Variants in DOCK2 observed in about 807,000 individuals in gnomAD.
DOCK2 encodes dedicator of cytokinesis 2.
In DOCK2, 87 loss-of-function variants were observed where a neutral mutation model predicts 248.9. The ratio of observed to expected loss-of-function variants is 0.35; its 90% confidence interval spans 0.29 to 0.42. The LOEUF is 0.42. DOCK2 is among the 10% of genes least tolerant of loss of function. The pLI is 1.00. For missense variants in DOCK2, 1,747 were observed against 2,300.2 expected (o/e 0.76, Z 4.92); for synonymous variants, 805 against 821.6 (o/e 0.98, Z 0.35).
chr5:170,082,859 G>A lies in DOCK2; in HGVS notation c.*1G>A. 1 of 1,614,228 alleles carries A rather than the reference G, an allele frequency of 6.2e-7. No homozygotes were observed. The highest frequency in any genetic ancestry group is 1.3e-5 in the African/African-American group (1 of 75,072). On this transcript the variant is annotated 3_prime_UTR_variant, in exon 52 of 52. Transcript: ENST00000520908. ...AGACTCGCTGTCCACGGACCTGTGA[G>A]CTGCTGCTGACTAGGGCTGCATGGG...
chr5:169,781,802 G>A (rs1040802882), intron 25 of DOCK2, among the ~76,000 whole-genome samples: 1 of 152,120 alleles, frequency 6.6e-6, no homozygotes, highest in African/African-American at 2.4e-5. Context: ...CACAGAGAGG[G>A]GCAGCAGTCA....
intron 22 of DOCK2, among the ~76,000 whole-genome samples, chr5:169,730,143 G>C (rs933242541): frequency 1.3e-5 from 2 of 152,216 alleles, no homozygotes; most frequent in Admixed American, 1.3e-4. Context: ...TTTTAGTAGA[G>C]ATGGGGTTTT....
intron 9 of DOCK2, among the ~76,000 whole-genome samples, chr5:169,691,933 G>A (rs1221710182): frequency 1.3e-5 from 2 of 151,418 alleles, no homozygotes; most frequent in Non-Finnish European, 2.9e-5. Flanking sequence ...TCAGCTCACT[G>A]CAACCTCCAC....
intron 25 of DOCK2, among the ~76,000 whole-genome samples, chr5:169,768,223 T>A (rs929368379): frequency 6.6e-6 from 1 of 152,144 alleles, no homozygotes; most frequent in African/African-American, 2.4e-5. Flanking sequence ...CCAGAACACA[T>A]CACATGTGCT....
intron 32 of DOCK2, among the ~76,000 whole-genome samples, chr5:170,010,576 A>G (rs1294864682): frequency 1.3e-5 from 2 of 152,198 alleles, no homozygotes; most frequent in Non-Finnish European, 2.9e-5. Context: ...TGCAATCCCA[A>G]CGTTGTCATA....
chr5:170,030,136 G>A (rs1201112690), intron 34 of DOCK2, among the ~76,000 whole-genome samples: 4 of 152,180 alleles, frequency 2.6e-5, no homozygotes, highest in Admixed American at 2.6e-4. Flanking sequence ...TACAGTGCTG[G>A]CAATTTCCAT....
chr5:169,823,953 C>A (rs1054338964), intron 26 of DOCK2, among the ~76,000 whole-genome samples: 1 of 152,180 alleles, frequency 6.6e-6, no homozygotes, highest in African/African-American at 2.4e-5. Flanking sequence ...GTGCAAAAAT[C>A]ACAAGCATTC....
intron 27 of DOCK2, among the ~76,000 whole-genome samples, chr5:169,870,386 A>G (rs1200434867): frequency 1.3e-5 from 2 of 152,174 alleles, no homozygotes; most frequent in Admixed American, 1.3e-4. Flanking sequence ...TGAGTAACAA[A>G]TAGCAAAAAA....
intron 33 of DOCK2, among the ~76,000 whole-genome samples, chr5:170,026,392 G>A (rs1034913275): frequency 6.6e-6 from 1 of 152,140 alleles, no homozygotes; most frequent in Non-Finnish European, 1.5e-5. Flanking sequence ...TGCTCTTCAT[G>A]CATTGTCACA....
At chr5:169,900,467 T>C (rs944080581) in intron 27 of DOCK2, among the ~76,000 whole-genome samples, 1 of 152,214 alleles carries the variant, frequency 6.6e-6, no homozygotes, top group Non-Finnish European at 1.5e-5. Flanking sequence ...GAAGACTGGC[T>C]GGCAGGAGGC....
intron 33 of DOCK2, among the ~76,000 whole-genome samples, chr5:170,021,563 T>A (rs1260765361): frequency 6.6e-6 from 1 of 152,186 alleles, no homozygotes; most frequent in African/African-American, 2.4e-5. Flanking sequence ...TCTTGGTTTC[T>A]CTGTGGCATG....
chr5:170,001,836 C>T (rs1187183619), intron 30 of DOCK2, among the ~76,000 whole-genome samples: 1 of 152,120 alleles, frequency 6.6e-6, no homozygotes, highest in Non-Finnish European at 1.5e-5. Flanking sequence ...ATGTTGTGAA[C>T]AGGGTATAAT....
intron 26 of DOCK2, among the ~76,000 whole-genome samples, chr5:169,839,480 C>G (rs1769805396): frequency 6.6e-6 from 1 of 152,264 alleles, no homozygotes; most frequent in South Asian, 2.1e-4. Flanking sequence ...GATTCCTAGG[C>G]CTTTCCACTT....
At chr5:169,937,549 A>G (rs1193546477) in intron 27 of DOCK2, among the ~76,000 whole-genome samples, 1 of 152,240 alleles carries the variant, frequency 6.6e-6, no homozygotes, top group Non-Finnish European at 1.5e-5. Flanking sequence ...ATAGGAACAT[A>G]TATTGAGTAC....
intron 27 of DOCK2, among the ~76,000 whole-genome samples, chr5:169,920,257 T>C (rs908556460): frequency 6.6e-6 from 1 of 152,194 alleles, no homozygotes; most frequent in Non-Finnish European, 1.5e-5. Flanking sequence ...TATGCAGTTA[T>C]TATGATGTTC....
intron 2 of DOCK2, among the ~76,000 whole-genome samples, chr5:169,668,664 T>A (rs985523061): frequency 1.3e-5 from 2 of 152,228 alleles, no homozygotes; most frequent in Non-Finnish European, 2.9e-5. Flanking sequence ...CTGTGTGTAA[T>A]TTGGATTTCT....
intron 29 of DOCK2, among the ~76,000 whole-genome samples, chr5:169,993,844 G>C (rs1778269836): frequency 6.6e-6 from 1 of 152,156 alleles, no homozygotes; most frequent in Admixed American, 6.5e-5. Flanking sequence ...GCTCATTGGA[G>C]CAACTTTCAA....
intron 13 of DOCK2, chr5:169,702,026 A>G (rs371209361): frequency 3.3e-6 from 1 of 304,506 alleles, no homozygotes. Flanking sequence ...TAGAGGATGA[A>G]AATTAAATGA....
In DOCK2 at chr5:170,018,472, T is replaced by C. The variant is rs532154170; in HGVS notation, c.3233-488T>C. ...TTCATCTGATCCTCAAGCTATGTTTTAAATCTCCCCGTTCCACTGACCACA... is the reference window on the plus strand; with the variant it reads ...TTCATCTGATCCTCAAGCTATGTTTCAAATCTCCCCGTTCCACTGACCACA... On this transcript the variant is annotated intron_variant, in intron 32 of 51. Coordinates refer to ENST00000520908, the MANE Select transcript of DOCK2 (RefSeq NM_004946.3). 2.0e-5 allele frequency among the ~76,000 whole-genome samples: 3 copies of C among 152,318 alleles called. No individual in the cohort carries two copies. In the South Asian group the frequency reaches 6.2e-4, roughly 32 times the overall value.
Sources: allele counts gnomAD v4.1 joint callset (sites outside exome capture counted in the v4.1 genomes callset), GRCh38; gene constraint gnomAD v4.1.1; transcripts MANE v1.5; gene names NCBI Gene and HGNC (gene_info 2026-07-23, HGNC 2026-07-21).